The following CLCN2 variants were observed in gnomAD, a reference collection of about 807,000 sequenced individuals.
CLCN2 encodes the protein chloride channel protein 2.
Under a neutral mutation model 108.3 loss-of-function variants are expected in CLCN2, and 72 were observed. That is an observed-to-expected ratio of 0.66 (90% CI 0.55 to 0.81). The LOEUF is 0.81. CLCN2 is among the 30% of genes least tolerant of loss of function. The pLI is 0.00. For missense variants in CLCN2, 1,048 were observed against 1,205.2 expected (o/e 0.87, Z 1.93); for synonymous variants, 471 against 467.1 (o/e 1.01, Z -0.11).
At position 184,351,676 on chromosome 3, in the gene CLCN2, T is replaced by A. The variant is rs559475185; in HGVS notation, c.2415+337A>T. On this transcript the variant is annotated intron_variant, in intron 22 of 23. Transcript: ENST00000265593. ...TTCCGCATGGGCGTATCAACCTTGC[T>A]GGGCTGTGGTGGCCTCCCGCCTAGC... Among the ~76,000 whole-genome samples the A allele has an allele frequency of 4.6e-5, 7 of 152,380 alleles. No individual in the cohort carries two copies. The South Asian group carries it at 1.4e-3, about 32-fold the overall frequency.
rs775532858 is a variant in CLCN2, at chr3:184,354,989, G to A, written c.1327-16C>T. On this transcript the variant is annotated splice_polypyrimidine_tract_variant and intron_variant, in intron 12 of 23. Transcript: ENST00000265593. ...ACATCCAGAACTGCAGGCAGGGGGT[G>A]GTTCAAAGGCGAAGAGGCTCCACCT... 32 of 1,613,246 alleles carry A rather than the reference G, an allele frequency of 2.0e-5. No homozygotes were observed. Among genetic ancestry groups the A allele is most frequent in the Non-Finnish European group, 2.5e-5 (29 of 1,179,528 alleles).
At chr3:184,353,466 C>T (rs1560257251) in intron 16 of CLCN2, 44 bp from the exon 17 acceptor site, 1 of 1,566,736 alleles carries the variant, frequency 6.4e-7, no homozygotes. Flanking sequence ...AGAGGGAGCC[C>T]TCCAGCCCCG....
chr3:184,352,953 A>G, intron 18 of CLCN2, 80 bp downstream of exon 18: 1 of 1,538,876 alleles, frequency 6.5e-7, no homozygotes, highest in Admixed American at 1.7e-5. Flanking sequence ...GATGTACCCC[A>G]GCAACAGGGC....
Position 184,354,074 on chromosome 3 carries a change from G to A in CLCN2, c.1721+27C>T. 2.5e-6 allele frequency: 4 copies of A among 1,604,834 alleles called. No homozygotes were observed. In the South Asian group the frequency reaches 3.3e-5, roughly 13 times the overall value. ...GGATGCCCTCTGCCCTTCACCCACA[G>A]CCCCCTTGGCACCCAGCCCTCCGTA... On this transcript the variant is annotated intron_variant, in intron 15 of 23. Coordinates refer to ENST00000265593, the MANE Select transcript of CLCN2 (RefSeq NM_004366.6).
In CLCN2 at chr3:184,355,392, G is replaced by A; in HGVS notation, c.1308C>T (p.Val436=). 6.2e-7 allele frequency: 1 copy of A among 1,613,954 alleles called. No individual in the cohort carries two copies. The highest frequency in any genetic ancestry group is 8.5e-7 in the Non-Finnish European group (1 of 1,180,022). Residue 436 remains valine, a synonymous_variant, in exon 12 of 24, where the codon GTC becomes GTT. Transcript: ENST00000265593. The surrounding 1 kb of genome is among the most constrained non-coding windows in gnomAD (Gnocchi z 6.3). ...AGCCCACCTTCATGAGAATGAAGAT[G>A]ACCAGGGTGAGGAAGACGTTGGCAC... ...PPRANVFLTL[V]IFILMKFWMS...
In CLCN2 at chr3:184,358,098, GGA is replaced by G. The variant is rs778969019; in HGVS notation, c.482-5_482-4del. 2 of 1,614,126 alleles carry G rather than the reference GGA, an allele frequency of 1.2e-6. No individual in the cohort carries two copies. The highest frequency in any genetic ancestry group is 1.7e-6 in the Non-Finnish European group (2 of 1,180,042). On this transcript the variant is annotated splice_region_variant and splice_polypyrimidine_tract_variant and intron_variant, in intron 4 of 23. Coordinates refer to ENST00000265593, the MANE Select transcript of CLCN2 (RefSeq NM_004366.6). ...CTTCATCTCAGGGATGCCAGAGCCT[GGA>G]GAGGGAACAGTCTCAGGAGAGGCAT... is the stretch of plus-strand genomic sequence containing the variant.
intron 22 of CLCN2, among the ~76,000 whole-genome samples, chr3:184,351,725 G>A (rs921700814): frequency 2.0e-5 from 3 of 152,134 alleles, no homozygotes; most frequent in Admixed American, 1.3e-4. Flanking sequence ...TGGCCTTCTG[G>A]CTTCCACCCA....
chr3:184,352,054 G>A lies in CLCN2; in HGVS notation c.2374C>T (p.Pro792Ser), dbSNP rs1049613542. 2.5e-6 allele frequency: 4 copies of A among 1,613,752 alleles called. No homozygotes were observed. In the African/African-American group the frequency reaches 5.3e-5, roughly 22 times the overall value. The change falls in exon 22 of 24, where the codon CCT (proline) becomes TCT (serine). Residue 792 changes from proline (P) to serine (S), a missense_variant. Pro to Ser is a moderately conservative substitution (Grantham distance 74). Coordinates refer to ENST00000265593, the MANE Select transcript of CLCN2 (RefSeq NM_004366.6). ...CGCTCCACCAGCTGGAAGGGAGCAG[G>A]ATCAATTTTGCAGTCACTGAAGTTG... ...PVNFSDCKID[P>S]APFQLVERTS...
chr3:184,346,605 C>CATGA lies in CLCN2; in HGVS notation c.2697_*1insTCAT. On this transcript the variant is annotated 3_prime_UTR_variant, in exon 24 of 24. Coordinates refer to ENST00000265593, the MANE Select transcript of CLCN2 (RefSeq NM_004366.6). This position sits in a 1 kb window ranked among gnomAD's most constrained non-coding sequence, Gnocchi z 6.0. ...ACCATCCTAGGCCACCCACGAGGGG[C>CATGA]TCATTGGCATTTGTCGTCGCTGTCG... 1 of 1,613,974 alleles carries CATGA rather than the reference C, an allele frequency of 6.2e-7. No homozygotes were observed. Among genetic ancestry groups the CATGA allele is most frequent in the East Asian group, 2.2e-5 (1 of 44,876 alleles).
At chr3:184,354,060 G>A in intron 15 of CLCN2, 41 bp downstream of exon 15, 1 of 1,585,536 alleles carries the variant, frequency 6.3e-7, no homozygotes. Context: ...GATGCCCTCT[G>A]CCCTTCACCC....
In CLCN2 at chr3:184,361,035, G is replaced by A. The variant is rs993957252; in HGVS notation, c.63+382C>T. 6.6e-6 allele frequency among the ~76,000 whole-genome samples: 1 copy of A among 152,252 alleles called. No individual in the cohort carries two copies. Among genetic ancestry groups the A allele is most frequent in the Admixed American group, 6.5e-5 (1 of 15,292 alleles). ...TGCACATGGCAGGGACACAGAGAAT[G>A]TCTTGGGTGGTGGAGATAGTGGCGT... On this transcript the variant is annotated intron_variant, in intron 1 of 23. Transcript: ENST00000265593. The surrounding 1 kb of genome is among the most constrained non-coding windows in gnomAD (Gnocchi z 6.6).
intron 1 of CLCN2, among the ~76,000 whole-genome samples, chr3:184,359,860 C>T (rs972268796): frequency 9.9e-5 from 15 of 151,960 alleles, no homozygotes; most frequent in African/African-American, 3.1e-4. Context: ...GGTGATGGGA[C>T]GGGAGAGTCG....
At position 184,353,282 on chromosome 3, in the gene CLCN2, G is replaced by C; in HGVS notation, c.1996C>G (p.Pro666Ala). 6 of 1,613,942 alleles carry C rather than the reference G, an allele frequency of 3.7e-6. No homozygotes were observed. Among genetic ancestry groups the C allele is most frequent in the Non-Finnish European group, 5.1e-6 (6 of 1,180,008 alleles). Reference sequence around the variant, plus strand: ...CAGACAGAAGCCTCAGGGGTAGGGGGACCCTCCTGATCAGATAGTGGAGAG... The same window carrying C: ...CAGACAGAAGCCTCAGGGGTAGGGGCACCCTCCTGATCAGATAGTGGAGAG... ...QTSPLSDQEG[P>A]PTPEASVCFQ... The change falls in exon 17 of 24, where the codon CCC (proline) becomes GCC (alanine). Residue 666 changes from proline to alanine, a missense_variant. Physicochemically the swap from Pro to Ala is conservative, Grantham distance 27. Coordinates refer to ENST00000265593, the MANE Select transcript of CLCN2 (RefSeq NM_004366.6).
At position 184,359,023 on chromosome 3, in the gene CLCN2, C is replaced by A; in HGVS notation, c.172G>T (p.Ala58Ser). 1 of 1,613,680 alleles carries A rather than the reference C, an allele frequency of 6.2e-7. No individual in the cohort carries two copies. Among genetic ancestry groups the A allele is most frequent in the Middle Eastern group, 1.6e-4 (1 of 6,062 alleles). ...CGTCCATATTCCAAGAGCTCTGGGG[C>A]AGCCCGAGAGGAAGGGGGACCTTTC... is the stretch of plus-strand genomic sequence containing the variant. ...PWKGPPSSRA[A>S]PELLEYGRSR... The change falls in exon 2 of 24, where the codon GCC becomes TCC. Residue 58 changes from alanine to serine, a missense_variant. Physicochemically the swap from Ala to Ser is moderately conservative, Grantham distance 99. Transcript: ENST00000265593.
At chr3:184,356,935 C>T in intron 10 of CLCN2, 58 bp downstream of exon 10, 3 of 1,210,530 alleles carry the variant, frequency 2.5e-6, no homozygotes, top group Non-Finnish European at 3.7e-6. Context: ...TGTCCCCTGA[C>T]CTACTGTGGC....
In CLCN2 at chr3:184,355,786, C is replaced by T. The variant is rs367980823; in HGVS notation, c.1086-8G>A. ...GCCGGGAAGAGCAGGCGTCTAGAGTCGTAGGTTTCACATCAGTCGTGGGTG... is the reference window on the plus strand; with the variant it reads ...GCCGGGAAGAGCAGGCGTCTAGAGTTGTAGGTTTCACATCAGTCGTGGGTG... On this transcript the variant is annotated splice_polypyrimidine_tract_variant and splice_region_variant and intron_variant, in intron 10 of 23. Transcript: ENST00000265593. The surrounding 1 kb of genome is among the most constrained non-coding windows in gnomAD (Gnocchi z 6.3). 29 of 1,613,734 alleles carry T rather than the reference C, an allele frequency of 1.8e-5. No homozygotes were observed. Among genetic ancestry groups the T allele is most frequent in the Admixed American group, 3.3e-5 (2 of 59,976 alleles).
intron 22 of CLCN2, chr3:184,347,324 G>A: frequency 2.2e-6 from 1 of 445,058 alleles, no homozygotes; most frequent in Non-Finnish European, 4.2e-6. Flanking sequence ...CAGAACAACT[G>A]TTCACACGTG....
At position 184,361,511 on chromosome 3, in the gene CLCN2, G is replaced by A; in HGVS notation, c.-32C>T. 7 of 1,605,964 alleles carry A rather than the reference G, an allele frequency of 4.4e-6. No individual in the cohort carries two copies. The highest frequency in any genetic ancestry group is 5.1e-6 in the Non-Finnish European group (6 of 1,179,320). On this transcript the variant is annotated 5_prime_UTR_variant, in exon 1 of 24. Coordinates refer to ENST00000265593, the MANE Select transcript of CLCN2 (RefSeq NM_004366.6). This position sits in a 1 kb window ranked among gnomAD's most constrained non-coding sequence, Gnocchi z 6.6. Reference sequence around the variant, plus strand: ...GCACTGCCCTCTCGCCTCCCTCGGCGGTTCCGGCTCTGTCCTGGACTCGGC... The same window carrying A: ...GCACTGCCCTCTCGCCTCCCTCGGCAGTTCCGGCTCTGTCCTGGACTCGGC...
chr3:184,352,100 C>A lies in CLCN2; in HGVS notation c.2328G>T (p.Glu776Asp), dbSNP rs1170200847. The A allele has an allele frequency of 1.2e-6, 2 of 1,613,618 alleles. No homozygotes were observed. The highest frequency in any genetic ancestry group is 1.7e-6 in the Non-Finnish European group (2 of 1,179,784). Residue 776 changes from glutamate (E) to aspartate (D), a missense_variant, in exon 22 of 24, where the codon GAG becomes GAT. Physicochemically the swap from Glu to Asp is conservative, Grantham distance 45. Transcript: ENST00000265593. ...MSPEEILEWEEQQLDEPVNFS... is the reference protein window; with the variant it reads ...MSPEEILEWEDQQLDEPVNFS... ...AGTTGACAGGTTCATCTAGTTGCTG[C>A]TCCTCCCACTCCAGAATCTGAGGGG...
Sources: gnomAD v4.1 joint callset for allele counts (sites outside exome capture counted in the v4.1 genomes callset) on GRCh38, gnomAD v4.1.1 for gene constraint, Gnocchi (gnomAD v3.1) non-coding constraint, MANE v1.5 for transcripts, NCBI Gene and HGNC (gene_info 2026-07-23, HGNC 2026-07-21) for gene names.